Variants in SYT14 observed in about 807,000 individuals in gnomAD.
SYT14 encodes the protein synaptotagmin-14.
A neutral mutation model predicts 74.2 loss-of-function variants in SYT14; 32 were observed. The observed-to-expected ratio is 0.43, with a 90% CI of 0.33 to 0.58. The LOEUF is 0.58. Among genes scored for constraint, SYT14 ranks in the 20% least tolerant of loss-of-function variants. The pLI is 0.05. For missense variants in SYT14, 791 were observed against 981.8 expected (o/e 0.81, Z 2.60); for synonymous variants, 298 against 337.7 (o/e 0.88, Z 1.29).
intron 5 of SYT14, among the ~76,000 whole-genome samples, chr1:210,081,328 G>C (rs942063778): frequency 6.6e-6 from 1 of 152,166 alleles, no homozygotes; most frequent in Non-Finnish European, 1.5e-5. Context: ...CTGCTTCTGG[G>C]TATAGTTAAG....
At chr1:209,971,500 G>A (rs1246934055) in intron 2 of SYT14, among the ~76,000 whole-genome samples, 2 of 152,156 alleles carry the variant, frequency 1.3e-5, no homozygotes, top group African/African-American at 2.4e-5. Flanking sequence ...TGTCCAGTCA[G>A]TATAATATTG....
intron 7 of SYT14, among the ~76,000 whole-genome samples, chr1:210,125,505 AAGAT>A (rs1353100495): frequency 3.9e-5 from 6 of 152,126 alleles, no homozygotes; most frequent in Admixed American, 6.6e-5. Flanking sequence ...TGATCAAACT[AAGAT>A]AGTATGTTTT....
At chr1:210,056,708 C>A (rs2081104733) in intron 5 of SYT14, among the ~76,000 whole-genome samples, 1 of 149,792 alleles carries the variant, frequency 6.7e-6, no homozygotes, top group African/African-American at 2.4e-5. Flanking sequence ...TGCCTGTAGT[C>A]CCAGCTACTC....
chr1:210,102,238 C>G (rs2082081112), intron 7 of SYT14, among the ~76,000 whole-genome samples: 1 of 152,054 alleles, frequency 6.6e-6, no homozygotes, highest in Admixed American at 6.6e-5. Context: ...TTTTCCTGAT[C>G]CTCTATCTTC....
chr1:210,030,943 T>TTTTGC (rs1307830424), intron 5 of SYT14, among the ~76,000 whole-genome samples: 3,977 of 148,860 alleles, frequency 0.027, 187 homozygotes, highest in African/African-American at 0.091. Context: ...TTTTGTTTTG[T>TTTTGC]TGAGACAGGT....
At chr1:210,160,729 A>G in exon 10 of SYT14, 1 of 1,613,190 alleles carries the variant, frequency 6.2e-7, no homozygotes, top group Non-Finnish European at 8.5e-7. Context: ...TCTTCTTTAG[A>G]TACATATGTT....
exon 10 of SYT14, chr1:210,166,076 A>C (rs1260426844): frequency 1.5e-4 from 23 of 152,242 alleles, no homozygotes; most frequent in Admixed American, 1.5e-3. Flanking sequence ...GGGCATGCAT[A>C]GAGTACCGTG....
intron 5 of SYT14, among the ~76,000 whole-genome samples, chr1:210,074,340 C>T (rs2081450283): frequency 6.6e-6 from 1 of 152,160 alleles, no homozygotes; most frequent in South Asian, 2.1e-4. Context: ...AATAAGTTGT[C>T]CACAGTCACA....
chr1:209,941,997 GA>G (rs552045967), intron 1 of SYT14, among the ~76,000 whole-genome samples: 11 of 152,018 alleles, frequency 7.2e-5, no homozygotes, highest in Non-Finnish European at 1.3e-4. Flanking sequence ...ATAATGACAA[GA>G]AAAAAAGTCT....
chr1:210,131,300 A>G (rs899456693), intron 7 of SYT14, among the ~76,000 whole-genome samples: 1 of 152,152 alleles, frequency 6.6e-6, no homozygotes, highest in Non-Finnish European at 1.5e-5. Context: ...AGTTGTTTTC[A>G]TAATCCATTT....
intron 7 of SYT14, among the ~76,000 whole-genome samples, chr1:210,128,828 A>G (rs1291318405): frequency 6.6e-6 from 1 of 152,236 alleles, no homozygotes; most frequent in Non-Finnish European, 1.5e-5. Context: ...AAATATCAGA[A>G]CCACTGATAC....
At chr1:210,056,683 G>A (rs1021131056) in intron 5 of SYT14, among the ~76,000 whole-genome samples, 8 of 90,612 alleles carry the variant, frequency 8.8e-5, no homozygotes, top group African/African-American at 2.7e-4. Flanking sequence ...AAAATTAGCC[G>A]GGTGTGGTGG....
rs146113572 is a variant in SYT14, at chr1:209,975,797, A to G, written c.-486+23041A>G. Among the ~76,000 whole-genome samples, 556 of 152,140 alleles carry G rather than the reference A, an allele frequency of 3.7e-3. 2 individuals are homozygous for G. The highest frequency in any genetic ancestry group is 7.1e-3 in the Admixed American group (109 of 15,276). On this transcript the variant is annotated intron_variant, in intron 2 of 9. Coordinates refer to ENST00000637265, the Ensembl canonical transcript of SYT14. ...AGGAATGATACCAGCTCCTCCTTGT[A>G]CCTCTGGTAGAATTCAGCTGTGAAT... is the stretch of plus-strand genomic sequence containing the variant.
At chr1:209,979,163 G>T (rs146123802) in intron 2 of SYT14, among the ~76,000 whole-genome samples, 5,194 of 152,260 alleles carry the variant, frequency 0.034, 617 homozygotes, top group Admixed American at 0.23. Flanking sequence ...TGGGTGAGGC[G>T]ATGCCTCGCC....
At chr1:210,039,020 C>A (rs1235350509) in intron 5 of SYT14, among the ~76,000 whole-genome samples, 1 of 151,998 alleles carries the variant, frequency 6.6e-6, no homozygotes, top group Non-Finnish European at 1.5e-5. Context: ...TTTGCTTTTT[C>A]TTTTCCCTCA....
intron 5 of SYT14, among the ~76,000 whole-genome samples, chr1:210,070,232 G>A (rs2081367989): frequency 6.6e-6 from 1 of 152,050 alleles, no homozygotes; most frequent in African/African-American, 2.4e-5. Context: ...TTGCAGGAAG[G>A]CCTGGATCTC....
At position 210,099,997 on chromosome 1, in the gene SYT14, A is replaced by G. The variant is rs1435612017; in HGVS notation, c.1585-15A>G. 6.2e-7 allele frequency: 1 copy of G among 1,611,358 alleles called. No individual in the cohort carries two copies. The highest frequency in any genetic ancestry group is 8.5e-7 in the Non-Finnish European group (1 of 1,178,484). ...TTGAGTTAAAAACTCTAACATTTAAATTTTCTTTTCTTAGGATATGTCAGC... is the reference window on the plus strand; with the variant it reads ...TTGAGTTAAAAACTCTAACATTTAAGTTTTCTTTTCTTAGGATATGTCAGC... On this transcript the variant is annotated splice_polypyrimidine_tract_variant and intron_variant, in intron 6 of 9. Coordinates refer to ENST00000637265, the Ensembl canonical transcript of SYT14.
intron 5 of SYT14, among the ~76,000 whole-genome samples, chr1:210,056,027 A>T (rs1558157912): frequency 6.6e-6 from 1 of 152,176 alleles, no homozygotes; most frequent in South Asian, 2.1e-4. Flanking sequence ...CTCATTTCAG[A>T]TTTAAAACTC....
At chr1:210,062,729 A>G (rs1049634050) in intron 5 of SYT14, among the ~76,000 whole-genome samples, 2 of 151,934 alleles carry the variant, frequency 1.3e-5, no homozygotes, top group Non-Finnish European at 2.9e-5. Context: ...TACAATCTGT[A>G]TCTTTGACAC....
Sources: allele counts gnomAD v4.1 joint callset (sites outside exome capture counted in the v4.1 genomes callset), GRCh38; gene constraint gnomAD v4.1.1; transcripts MANE v1.5; gene names NCBI Gene and HGNC (gene_info 2026-07-23, HGNC 2026-07-21).